Variants in TRIM49C observed in about 807,000 individuals in gnomAD.
TRIM49C encodes tripartite motif-containing protein 49C.
Under a neutral mutation model 21.4 loss-of-function variants are expected in TRIM49C, and 6 were observed. The ratio of observed to expected loss-of-function variants is 0.28; its 90% confidence interval spans 0.15 to 0.55. TRIM49C has a LOEUF of 0.55. TRIM49C is among the 20% of genes least tolerant of loss of function. TRIM49C has a pLI of 0.94. For synonymous variants in TRIM49C, 57 were observed against 148.1 expected (o/e 0.38, Z 4.47); for missense variants, 161 against 442.4 (o/e 0.36, Z 5.71).
downstream of TRIM49C, among the ~76,000 whole-genome samples, chr11:90,046,001 T>A (rs1162681614): frequency 1.6e-5 from 2 of 122,044 alleles, no homozygotes; most frequent in Non-Finnish European, 3.3e-5. Context: ...GGCTGTTGAA[T>A]TTTGTCAAAG....
At chr11:90,065,579 A>T in the TRIM49C span, among the ~76,000 whole-genome samples, 1 of 140,646 alleles carries the variant, frequency 7.1e-6, no homozygotes, top group Non-Finnish European at 1.5e-5. Flanking sequence ...AAGGTATTGA[A>T]AACCAGACTT....
In TRIM49C at chr11:90,038,677, T is replaced by A; in HGVS notation, c.739-16T>A. 4.5e-6 allele frequency: 1 copy of A among 221,790 alleles called. No individual in the cohort carries two copies. Among genetic ancestry groups the A allele is most frequent in the Non-Finnish European group, 6.1e-6 (1 of 163,740 alleles). 13.7% of individuals were successfully genotyped at this position (221,790 alleles called of 1,614,324 possible). A position where few individuals can be genotyped will look rare whatever the true frequency, so the allele number is the denominator to read the frequency against. ...TGTGAAATGCACTAAATCTTTCTTCTTTTTTTTTTTTTCAGGCTTTTGGAG... is the reference window on the plus strand; with the variant it reads ...TGTGAAATGCACTAAATCTTTCTTCATTTTTTTTTTTTCAGGCTTTTGGAG... On this transcript the variant is annotated splice_polypyrimidine_tract_variant and intron_variant, in intron 5 of 7. Coordinates refer to ENST00000448984, the MANE Select transcript of TRIM49C (RefSeq NM_001195234.1).
chr11:90,041,757 T>C lies in TRIM49C; in HGVS notation c.*207T>C. 5.4e-6 allele frequency: 1 copy of C among 186,648 alleles called. No individual in the cohort carries two copies. The highest frequency in any genetic ancestry group is 8.7e-5 in the South Asian group (1 of 11,442). The allele number at this position is 186,648 out of a possible 1,614,324, so 11.6% of individuals were successfully genotyped here. A position where few individuals can be genotyped will look rare whatever the true frequency, so the allele number is the denominator to read the frequency against. ...TACGTATTGGTTCTTTATTAAATAATTTTTGAAAAATCATTATTCATGATC... is the reference window on the plus strand; with the variant it reads ...TACGTATTGGTTCTTTATTAAATAACTTTTGAAAAATCATTATTCATGATC... On this transcript the variant is annotated 3_prime_UTR_variant, in exon 8 of 8. Coordinates refer to ENST00000448984, the MANE Select transcript of TRIM49C (RefSeq NM_001195234.1).
Position 90,035,342 on chromosome 11 carries a change from A to G in TRIM49C, c.131A>G (p.Gln44Arg), listed in dbSNP as rs560747878. 5.3e-6 allele frequency: 8 copies of G among 1,517,150 alleles called. 1 individual carries two copies. In the East Asian group the frequency reaches 1.7e-4, roughly 31 times the overall value. The allele number at this position is 1,517,150 out of a possible 1,614,324, so 94.0% of individuals were successfully genotyped here. The change falls in exon 3 of 8, where the codon CAA (glutamine) becomes CGA (arginine). Residue 44 changes from glutamine (Q) to arginine (R), a missense_variant. Physicochemically the swap from Gln to Arg is conservative, Grantham distance 43. This residue lies in a region of TRIM49C where 80 missense variants were observed against 314.8 expected (regional missense o/e 0.25). Transcript: ENST00000448984. Reference protein sequence around the residue: ...FCRPCFYLNWQDIPFLVQCSE... With the variant: ...FCRPCFYLNWRDIPFLVQCSE... ...AGGCCTTGTTTCTACCTCAACTGGC[A>G]AGACATCCCATTTCTTGTCCAGTGC... is the stretch of plus-strand genomic sequence containing the variant.
At chr11:90,034,017 A>G (rs1011877956) in intron 2 of TRIM49C, among the ~76,000 whole-genome samples, 8 of 129,200 alleles carry the variant, frequency 6.2e-5, no homozygotes, top group African/African-American at 2.3e-4. Context: ...TCCACAAGCT[A>G]TACATGATTC....
the TRIM49C span, among the ~76,000 whole-genome samples, chr11:90,068,511 T>C: frequency 6.9e-6 from 1 of 145,274 alleles, no homozygotes; most frequent in Non-Finnish European, 1.5e-5. Context: ...ATTCTGATTC[T>C]TTAAAGGTGA....
chr11:90,048,742 G>A, the TRIM49C span, among the ~76,000 whole-genome samples: 2 of 124,214 alleles, frequency 1.6e-5, no homozygotes, highest in East Asian at 2.5e-4. Context: ...AAGTTTGATT[G>A]TCTGAAGACT....
the TRIM49C span, chr11:90,052,601 C>T: frequency 1.4e-5 from 2 of 143,278 alleles, no homozygotes; most frequent in Admixed American, 7.7e-5. Flanking sequence ...CCGCTCCCGG[C>T]AGGGGCGCTC....
At chr11:90,057,108 T>G in the TRIM49C span, among the ~76,000 whole-genome samples, 1 of 141,248 alleles carries the variant, frequency 7.1e-6, no homozygotes, top group Non-Finnish European at 1.5e-5. Flanking sequence ...GAAAAATAAA[T>G]CAGATTAAAA....
chr11:90,070,708 A>G, the TRIM49C span, among the ~76,000 whole-genome samples: 1 of 141,170 alleles, frequency 7.1e-6, no homozygotes, highest in Non-Finnish European at 1.5e-5. Context: ...ACATTTTAAA[A>G]GTGTTGCAGT....
chr11:90,068,373 C>T, the TRIM49C span, among the ~76,000 whole-genome samples: 2 of 118,482 alleles, frequency 1.7e-5, no homozygotes, highest in East Asian at 5.6e-4. Context: ...CATATACATT[C>T]TGAAAGAAGT....
rs1248829825 is a variant in TRIM49C, at chr11:90,037,007, T to C, written c.508-742T>C. On this transcript the variant is annotated intron_variant, in intron 4 of 7. Coordinates refer to ENST00000448984, the MANE Select transcript of TRIM49C (RefSeq NM_001195234.1). ...CAAGAGGAGGGGGAACACAAATGTG[T>C]GTGTGGATATATATGTGGACCATGA... is the stretch of plus-strand genomic sequence containing the variant. Among the ~76,000 whole-genome samples, 2 of 133,798 alleles carry C rather than the reference T, an allele frequency of 1.5e-5. 1 individual carries two copies. The highest frequency in any genetic ancestry group is 3.2e-5 in the Non-Finnish European group (2 of 62,112). 87.8% of individuals were successfully genotyped at this position (133,798 alleles called of 152,430 possible). A position where few individuals can be genotyped will look rare whatever the true frequency, so the allele number is the denominator to read the frequency against.
chr11:90,063,096 TCTACTTGAG>T, the TRIM49C span: 2 of 1,031,390 alleles, frequency 1.9e-6, no homozygotes, highest in Non-Finnish European at 1.3e-6. Context: ...ATTTTCTTTG[TCTACTTGAG>T]CTCTGTCCAA....
the TRIM49C span, among the ~76,000 whole-genome samples, chr11:90,062,378 T>G: frequency 1.5e-5 from 2 of 137,828 alleles, no homozygotes; most frequent in Non-Finnish European, 3.1e-5. Context: ...ACAATGTTTT[T>G]AAGGAAACCT....
the TRIM49C span, chr11:90,062,842 G>T: frequency 7.2e-7 from 1 of 1,390,364 alleles, no homozygotes; most frequent in Non-Finnish European, 9.5e-7. Context: ...CTGCATGAAG[G>T]GCAGCGCATT....
At chr11:90,036,121 A>T in intron 4 of TRIM49C, 138 bp downstream of exon 4, 2 of 1,164,394 alleles carry the variant, frequency 1.7e-6, no homozygotes, top group Non-Finnish European at 2.2e-6. Flanking sequence ...ACATTGAGAA[A>T]AAGTGGCCTC....
downstream of TRIM49C, among the ~76,000 whole-genome samples, chr11:90,045,049 T>C (rs868313936): frequency 0.036 from 4,257 of 117,964 alleles, 388 homozygotes; most frequent in East Asian, 0.11. Context: ...TCCCCATTGC[T>C]TGTTTTTGTC....
chr11:90,055,583 G>T, the TRIM49C span, among the ~76,000 whole-genome samples: 1 of 151,534 alleles, frequency 6.6e-6, no homozygotes, highest in Non-Finnish European at 1.5e-5. Flanking sequence ...AGCATTCCCA[G>T]ATATATCTTA....
downstream of TRIM49C, among the ~76,000 whole-genome samples, chr11:90,046,786 T>C (rs2134830013): frequency 2.4e-5 from 3 of 124,568 alleles, 1 homozygote; most frequent in East Asian, 7.6e-4. Flanking sequence ...GCTCTGATCG[T>C]AGTTATTTCT....
Sources: allele counts gnomAD v4.1 joint callset (sites outside exome capture counted in the v4.1 genomes callset), GRCh38; gene constraint gnomAD v4.1.1; regional missense constraint gnomAD v4.1.1; transcripts MANE v1.5; gene names NCBI Gene and HGNC (gene_info 2026-07-23, HGNC 2026-07-21).